Variants in ZFP14 observed in about 807,000 individuals in gnomAD.
ZFP14 encodes the protein zinc finger protein 14 homolog.
In ZFP14, 22 loss-of-function variants were observed where a neutral mutation model predicts 54.5. The ratio of observed to expected loss-of-function variants is 0.40; its 90% CI spans 0.29 to 0.58. The LOEUF (loss-of-function observed/expected upper bound fraction) is 0.58. Among genes scored for constraint, ZFP14 ranks in the 20% least tolerant of loss-of-function variants. The pLI is 0.39. For synonymous variants in ZFP14, 159 were observed against 204.0 expected (o/e 0.78, Z 1.88); for missense variants, 470 against 637.8 (o/e 0.74, Z 2.83).
At chr19:36,348,589 T>C (rs1360529309) in intron 4 of ZFP14, among the ~76,000 whole-genome samples, 1 of 152,138 alleles carries the variant, frequency 6.6e-6, no homozygotes, top group African/African-American at 2.4e-5. Flanking sequence ...CTCCGCCTCC[T>C]GGATTCAAGC....
At position 36,349,885 on chromosome 19, in the gene ZFP14, C is replaced by T. The variant is rs1267324020; in HGVS notation, c.236-8295G>A. On this transcript the variant is annotated intron_variant, in intron 4 of 4. Coordinates refer to ENST00000270001, the MANE Select transcript of ZFP14 (RefSeq NM_020917.3). ...ACAATAGATAGGCTGGGCGTGGTGGCTCACACCTGTAATCCCAACACTTTA... is the reference window on the plus strand; with the variant it reads ...ACAATAGATAGGCTGGGCGTGGTGGTTCACACCTGTAATCCCAACACTTTA... Among the ~76,000 whole-genome samples, 4 of 100,186 alleles carry T rather than the reference C, an allele frequency of 4.0e-5. 1 individual carries two copies. Among genetic ancestry groups the T allele is most frequent in the Non-Finnish European group, 9.2e-5 (4 of 43,554 alleles). 65.7% of individuals were successfully genotyped at this position (100,186 alleles called of 152,430 possible). A position where few individuals can be genotyped will look rare whatever the true frequency, so the allele number is the denominator to read the frequency against.
chr19:36,364,465 C>T (rs902332790), intron 2 of ZFP14, among the ~76,000 whole-genome samples: 6 of 151,990 alleles, frequency 3.9e-5, no homozygotes, highest in Non-Finnish European at 8.8e-5. Flanking sequence ...AGGTTGAGGA[C>T]GACGAGGGGT....
chr19:36,372,655 A>T (rs1443923819), intron 1 of ZFP14, among the ~76,000 whole-genome samples: 2 of 152,166 alleles, frequency 1.3e-5, no homozygotes, highest in Non-Finnish European at 2.9e-5. Flanking sequence ...GGCCTCAAAA[A>T]ACTAAAAATA....
At chr19:36,370,900 G>A (rs557039754) in intron 1 of ZFP14, among the ~76,000 whole-genome samples, 96 of 152,210 alleles carry the variant, frequency 6.3e-4, no homozygotes, top group Non-Finnish European at 1.2e-3. Context: ...ACATGACATC[G>A]TCAATAGGAC....
intron 1 of ZFP14, among the ~76,000 whole-genome samples, chr19:36,369,131 C>T (rs776471774): frequency 6.6e-6 from 1 of 152,074 alleles, no homozygotes; most frequent in Non-Finnish European, 1.5e-5. Flanking sequence ...CGTGAGCCAC[C>T]GTGCCCGGCC....
chr19:36,358,061 T>TATCTATCTATCTATCTATCTATCTATCA (rs2031647230), intron 4 of ZFP14, among the ~76,000 whole-genome samples: 2 of 145,880 alleles, frequency 1.4e-5, no homozygotes, highest in Non-Finnish European at 3.0e-5. Flanking sequence ...TCTATCTATC[T>TATCTATCTATCTATCTATCTATCTATCA]ATCTATCTAT....
intron 1 of ZFP14, among the ~76,000 whole-genome samples, chr19:36,372,100 G>A (rs2031888731): frequency 6.6e-6 from 1 of 151,080 alleles, no homozygotes; most frequent in Admixed American, 6.6e-5. Flanking sequence ...AGGAAAGGAG[G>A]AAGGAAGGAA....
chr19:36,340,640 A>G lies in ZFP14; in HGVS notation c.1186T>C (p.Tyr396His), dbSNP rs2031292819. 6.2e-7 allele frequency: 1 copy of G among 1,614,094 alleles called. No individual in the cohort carries two copies. Among genetic ancestry groups the G allele is most frequent in the Non-Finnish European group, 8.5e-7 (1 of 1,180,016 alleles). The change falls in exon 5 of 5, where the codon TAT becomes CAT. Residue 396 changes from tyrosine to histidine, a missense_variant. Transcript: ENST00000270001. The surrounding 1 kb of genome is among the most constrained non-coding windows in gnomAD (Gnocchi z 5.4). ...GTCTTCCAACATTCCATACATTCATAGGGTTTCTCACGAGTATGTATTCTC... is the reference window on the plus strand; with the variant it reads ...GTCTTCCAACATTCCATACATTCATGGGGTTTCTCACGAGTATGTATTCTC... The part of the protein sequence containing the change: ...HQRIHTREKP[Y>H]ECMECWKTFS...
At chr19:36,361,993 C>T (rs2031718170) in intron 3 of ZFP14, 119 bp downstream of exon 3, 1 of 1,288,950 alleles carries the variant, frequency 7.8e-7, no homozygotes, top group Non-Finnish European at 1.0e-6. Flanking sequence ...CTAGTTCCAA[C>T]CTGACAAAGC....
At chr19:36,361,177 T>C (rs186328274) in intron 3 of ZFP14, among the ~76,000 whole-genome samples, 11 of 152,330 alleles carry the variant, frequency 7.2e-5, no homozygotes, top group Admixed American at 3.9e-4. Context: ...GCTTTTAGAT[T>C]TTAATTTTCA....
chr19:36,377,373 G>A (rs369084110), intron 1 of ZFP14, among the ~76,000 whole-genome samples: 9 of 151,944 alleles, frequency 5.9e-5, no homozygotes, highest in African/African-American at 1.9e-4. Context: ...AACATAAGGA[G>A]ACCTCATTTC....
At chr19:36,343,827 T>C (rs2031366388) in intron 4 of ZFP14, among the ~76,000 whole-genome samples, 1 of 152,084 alleles carries the variant, frequency 6.6e-6, no homozygotes, top group South Asian at 2.1e-4. Flanking sequence ...CTCAGGTGTC[T>C]CTTTTGCTTC....
chr19:36,369,574 C>G (rs910332093), intron 1 of ZFP14, among the ~76,000 whole-genome samples: 3 of 151,794 alleles, frequency 2.0e-5, no homozygotes, highest in African/African-American at 7.3e-5. Context: ...CTACGCCCGG[C>G]TAATTTTTAT....
At chr19:36,350,198 T>C (rs1337454134) in intron 4 of ZFP14, among the ~76,000 whole-genome samples, 3 of 140,130 alleles carry the variant, frequency 2.1e-5, no homozygotes, top group Non-Finnish European at 4.7e-5. Context: ...GTGTCTAACA[T>C]ATGTGTAACT....
intron 4 of ZFP14, among the ~76,000 whole-genome samples, chr19:36,357,788 G>A (rs954744811): frequency 6.6e-6 from 1 of 151,826 alleles, no homozygotes; most frequent in African/African-American, 2.4e-5. Context: ...TGTCACCCAG[G>A]GTGGAGTGCA....
At chr19:36,356,522 T>C (rs1202094758) in intron 4 of ZFP14, among the ~76,000 whole-genome samples, 1 of 152,044 alleles carries the variant, frequency 6.6e-6, no homozygotes, top group Non-Finnish European at 1.5e-5. Flanking sequence ...TTTATTTGCA[T>C]AGCTCTATGC....
chr19:36,352,674 G>C (rs2031546851), intron 4 of ZFP14, among the ~76,000 whole-genome samples: 1 of 142,384 alleles, frequency 7.0e-6, no homozygotes, highest in Admixed American at 7.2e-5. Flanking sequence ...GGGCGCGGTG[G>C]CTCACACCTG....
intron 1 of ZFP14, among the ~76,000 whole-genome samples, chr19:36,374,229 A>G (rs8182628): frequency 0.68 from 103,303 of 152,022 alleles, 35,382 homozygotes; most frequent in African/African-American, 0.76. Context: ...AGTGGCTCAC[A>G]CCTGTAATCC....
rs1345543389 is a variant in ZFP14 at position 36,351,841 on chromosome 19, G to A, written c.235+8594C>T. ...ACCACTGCACTCCAGCCTGGGTGAT[G>A]CAGTGAGACCTTGTCTCTAAAAATA... is the stretch of plus-strand genomic sequence containing the variant. On this transcript the variant is annotated intron_variant, in intron 4 of 4. Coordinates refer to ENST00000270001, the MANE Select transcript of ZFP14 (RefSeq NM_020917.3). 1.4e-5 allele frequency among the ~76,000 whole-genome samples: 2 copies of A among 143,174 alleles called. 1 individual carries two copies. The highest frequency in any genetic ancestry group is 5.1e-5 in the African/African-American group (2 of 39,016). The allele number at this position is 143,174 out of a possible 152,430, so 93.9% of individuals were successfully genotyped here.
Sources: allele counts gnomAD v4.1 joint callset (sites outside exome capture counted in the v4.1 genomes callset), GRCh38; gene constraint gnomAD v4.1.1; non-coding constraint Gnocchi (gnomAD v3.1); transcripts MANE v1.5; gene names NCBI Gene and HGNC (gene_info 2026-07-23, HGNC 2026-07-21).